TRPV6: variants seen among roughly 807,000 people sequenced by gnomAD.
The protein encoded by TRPV6 is transient receptor potential cation channel subfamily V member 6.
In TRPV6, 39 loss-of-function variants were observed where a neutral mutation model predicts 79.0. The ratio of observed to expected loss-of-function variants is 0.49; its 90% CI spans 0.38 to 0.64. The LOEUF is 0.64. TRPV6 is among the 30% of genes least tolerant of loss of function. The pLI, the probability that TRPV6 is intolerant of heterozygous loss-of-function variation, is 0.00. For missense variants in TRPV6, 813 were observed against 1,011.1 expected, an observed-to-expected ratio of 0.80 and a Z score of 2.66; for synonymous variants, 373 against 391.9, an observed-to-expected ratio of 0.95 and a Z score of 0.57.
At chr7:142,875,402 G>C in intron 8 of TRPV6, 66 bp downstream of exon 8, 1 of 1,480,864 alleles carries the variant, frequency 6.8e-7, no homozygotes, top group Non-Finnish European at 9.0e-7. Flanking sequence ...GGAGGAAAGG[G>C]ACACCAGTCT....
chr7:142,877,895 A>T, intron 2 of TRPV6, 34 bp downstream of exon 2: 1 of 1,612,886 alleles, frequency 6.2e-7, no homozygotes, highest in Non-Finnish European at 8.5e-7. Context: ...TGTGGGGCTC[A>T]CCTAGGAGAT....
In TRPV6 at chr7:142,871,443, T is replaced by C. The variant is rs781253222; in HGVS notation, c.*264A>G. The C allele has an allele frequency of 4.4e-5, 22 of 502,562 alleles. 1 individual carries two copies. In the Admixed American group the frequency reaches 6.6e-4, roughly 15 times the overall value. 31.1% of individuals were successfully genotyped at this position (502,562 alleles called of 1,614,324 possible). A position where few individuals can be genotyped will look rare whatever the true frequency, so the allele number is the denominator to read the frequency against. On this transcript the variant is annotated 3_prime_UTR_variant, in exon 15 of 15. Transcript: ENST00000359396. Reference sequence around the variant, plus strand: ...AGTGCTCTGACATGCAGTGCTCCTGTCGGAAGGGTGATGAGCAGGCCACAG... The same window carrying C: ...AGTGCTCTGACATGCAGTGCTCCTGCCGGAAGGGTGATGAGCAGGCCACAG...
Position 142,878,021 on chromosome 7 carries a change from C to T in TRPV6, c.254G>A (p.Trp85Ter). 6.2e-7 allele frequency: 1 copy of T among 1,613,958 alleles called. No individual in the cohort carries two copies. Among genetic ancestry groups the T allele is most frequent in the African/African-American group, 1.3e-5 (1 of 75,042 alleles). The change falls in exon 2 of 15, where the codon TGG becomes TAG. Residue 85 changes from tryptophan (W) to a stop codon, truncating the protein, a stop_gained. Transcript: ENST00000359396. LOFTEE classifies it high-confidence loss of function. The stretch of plus-strand genomic sequence containing the variant: ...GGCAGCTAGAAGGAGAGGAGACTCC[C>T]AGATCCTATGAAGGGATGGAATAGG...
chr7:142,873,898 C>A lies in TRPV6; in HGVS notation c.1639+178G>T. 9.2e-7 allele frequency: 1 copy of A among 1,083,742 alleles called. No individual in the cohort carries two copies. The highest frequency in any genetic ancestry group is 1.3e-6 in the Non-Finnish European group (1 of 750,128). 67.1% of individuals were successfully genotyped at this position (1,083,742 alleles called of 1,614,324 possible). A position where few individuals can be genotyped will look rare whatever the true frequency, so the allele number is the denominator to read the frequency against. On this transcript the variant is annotated intron_variant, in intron 12 of 14. Transcript: ENST00000359396. This position sits in a 1 kb window ranked among gnomAD's most constrained non-coding sequence, Gnocchi z 4.8. ...TGAGCCTCATCTTGATCCTAAGAGC[C>A]ACCTCTCCCTAACACTCCCGATTTT... is the stretch of plus-strand genomic sequence containing the variant.
intron 1 of TRPV6, chr7:142,882,570 T>C (rs1795215579): frequency 6.6e-6 from 1 of 152,086 alleles, no homozygotes. Context: ...AGGCATACAT[T>C]GGGCACTTGT....
At chr7:142,872,327 C>T in intron 14 of TRPV6, 45 bp downstream of exon 14, 1 of 1,597,366 alleles carries the variant, frequency 6.3e-7, no homozygotes. Context: ...GGATACCCTG[C>T]CGATGAGGCT....
chr7:142,885,340 G>A (rs749345359), intron 1 of TRPV6, 49 bp downstream of exon 1: 3 of 1,557,162 alleles, frequency 1.9e-6, no homozygotes, highest in Non-Finnish European at 2.6e-6. Flanking sequence ...GAGGGGTAGA[G>A]GTGCAGGCCT....
At chr7:142,876,171 G>T in intron 6 of TRPV6, 1 of 714,114 alleles carries the variant, frequency 1.4e-6, no homozygotes, top group Non-Finnish European at 2.2e-6. Context: ...AAGGTGGGCT[G>T]GGGCATTACA....
chr7:142,876,680 C>G (rs1192828174), intron 5 of TRPV6, 59 bp downstream of exon 5: 1 of 1,613,202 alleles, frequency 6.2e-7, no homozygotes, highest in African/African-American at 1.3e-5. Flanking sequence ...AGCCCCTCTC[C>G]TCACCCTGTC....
Position 142,876,801 on chromosome 7 carries a change from C to T in TRPV6, c.644G>A (p.Ser215Asn). 6.2e-7 allele frequency: 1 copy of T among 1,614,168 alleles called. No homozygotes were observed. Among genetic ancestry groups the T allele is most frequent in the South Asian group, 1.1e-5 (1 of 91,086 alleles). ...AATGAGCAGCCGCACGATCTCCTCA[C>T]TGTTCACACAGGCAGCAAAGGACAA... is the stretch of plus-strand genomic sequence containing the variant. The change falls in exon 5 of 15, where the codon AGT (serine) becomes AAT (asparagine). Residue 215 changes from serine (S) to asparagine (N), a missense_variant. Ser to Asn is a conservative substitution (Grantham distance 46). Around this residue, in one of 3 missense-constraint regions of TRPV6, gnomAD observed 555 missense variants for 631.0 expected, o/e 0.88. Transcript: ENST00000359396.
In TRPV6 at chr7:142,873,095, G is replaced by C. The variant is rs137878545; in HGVS notation, c.1908+353C>G. Among the ~76,000 whole-genome samples the C allele has an allele frequency of 6.6e-6, 1 of 152,282 alleles. No individual in the cohort carries two copies. The highest frequency in any genetic ancestry group is 1.5e-5 in the Non-Finnish European group (1 of 68,026). On this transcript the variant is annotated intron_variant, in intron 13 of 14. Transcript: ENST00000359396. This position sits in a 1 kb window ranked among gnomAD's most constrained non-coding sequence, Gnocchi z 4.8. ...CCTGCTTTCCATATCAAATTTTGCAGACTTAAATATTATCAAGAAGACTTG... is the reference window on the plus strand; with the variant it reads ...CCTGCTTTCCATATCAAATTTTGCACACTTAAATATTATCAAGAAGACTTG...
Position 142,875,535 on chromosome 7 carries a change from A to AG in TRPV6, c.1174dup (p.Leu392ProfsTer7). Reference sequence around the variant, plus strand: ...CGTGCGGTTATTGGTCCTGGGCTTGAGGGGGCGGTAGATGCAGCACATGGT... The same window carrying AG: ...CGTGCGGTTATTGGTCCTGGGCTTGAGGGGGGCGGTAGATGCAGCACATGGT... On this transcript the variant is annotated frameshift_variant, in exon 8 of 15. Transcript: ENST00000359396. LOFTEE classifies it high-confidence loss of function. The AG allele has an allele frequency of 1.2e-6, 2 of 1,611,846 alleles. No individual in the cohort carries two copies. Among genetic ancestry groups the AG allele is most frequent in the Non-Finnish European group, 8.5e-7 (1 of 1,179,626 alleles).
rs1262631150 is a variant in TRPV6 at position 142,874,923 on chromosome 7, C to T, written c.1387G>A (p.Gly463Ser). ...ACTCACATGAGGACATGGAATGGGC[C>T]CCCAAGGATGGTCTGTCCAAAGAAG... Residue 463 changes from glycine (G) to serine (S), a missense_variant, in exon 10 of 15, where the codon GGC becomes AGC. Coordinates refer to ENST00000359396, the MANE Select transcript of TRPV6 (RefSeq NM_018646.6). 72 of 1,613,890 alleles carry T rather than the reference C, an allele frequency of 4.5e-5. No homozygotes were observed. The highest frequency in any genetic ancestry group is 5.9e-5 in the Non-Finnish European group (70 of 1,179,998).
chr7:142,872,917 C>A (rs931738006), intron 13 of TRPV6, among the ~76,000 whole-genome samples: 4 of 152,078 alleles, frequency 2.6e-5, no homozygotes, highest in Non-Finnish European at 4.4e-5. Context: ...CATTATTTTG[C>A]TGAAATGATT....
At chr7:142,885,322 G>A in intron 1 of TRPV6, 67 bp downstream of exon 1, 1 of 1,514,884 alleles carries the variant, frequency 6.6e-7, no homozygotes, top group Non-Finnish European at 8.9e-7. Context: ...GGGAGGTGAG[G>A]GAGGGGTGAG....
intron 8 of TRPV6, 73 bp from the exon 9 acceptor site, chr7:142,875,237 G>A (rs911024421): frequency 5.8e-6 from 9 of 1,548,234 alleles, no homozygotes; most frequent in Non-Finnish European, 8.0e-6. Flanking sequence ...TGGTGCCCAG[G>A]GTCACCAGTC....
chr7:142,872,350 C>T (rs1794956944), intron 14 of TRPV6, 22 bp downstream of exon 14: 2 of 1,612,476 alleles, frequency 1.2e-6, no homozygotes, highest in Non-Finnish European at 1.7e-6. Context: ...TCAGGGGACA[C>T]CTACCCCCGC....
rs1049865501 is a variant in TRPV6 at position 142,874,961 on chromosome 7, A to G, written c.1349T>C (p.Met450Thr). The change falls in exon 10 of 15, where the codon ATG becomes ACG. Residue 450 changes from methionine (M) to threonine (T), a missense_variant. This residue lies in a region of TRPV6 where 555 missense variants were observed against 631.0 expected (regional missense o/e 0.88). Coordinates refer to ENST00000359396, the MANE Select transcript of TRPV6 (RefSeq NM_018646.6). ...CTGTCCAAAGAAGCGAGTGACCCCC[A>G]TTCTGAAGATGTCTGGAACCTGAAG... 2 of 1,614,126 alleles carry G rather than the reference A, an allele frequency of 1.2e-6. No homozygotes were observed. The highest frequency in any genetic ancestry group is 1.7e-5 in the Admixed American group (1 of 60,012).
At chr7:142,875,228 G>A in intron 8 of TRPV6, 64 bp from the exon 9 acceptor site, 1 of 1,565,636 alleles carries the variant, frequency 6.4e-7, no homozygotes, top group Admixed American at 1.7e-5. Context: ...GCATTTCCAT[G>A]GTGCCCAGGG....
Sources: allele counts gnomAD v4.1 joint callset (sites outside exome capture counted in the v4.1 genomes callset), GRCh38; gene constraint gnomAD v4.1.1; regional missense constraint gnomAD v4.1.1; non-coding constraint Gnocchi (gnomAD v3.1); transcripts MANE v1.5; gene names NCBI Gene and HGNC (gene_info 2026-07-23, HGNC 2026-07-21).